ITPKB: variants seen among roughly 807,000 people sequenced by gnomAD.
ITPKB encodes the protein IP3 3-kinase B.
ITPKB carries 13 observed loss-of-function variants against 69.4 expected under a neutral mutation model. The observed-to-expected ratio is 0.19, with a 90% confidence interval of 0.12 to 0.30. ITPKB has a LOEUF of 0.30. ITPKB is among the 10% of genes least tolerant of loss of function. The probability of loss-of-function intolerance (pLI) is 1.00; values close to 1 mark genes in which losing one functional copy is unlikely to be tolerated. For synonymous variants in ITPKB, 584 were observed against 513.7 expected (o/e 1.14, Z -1.85); for missense variants, 1,240 against 1,250.5 (o/e 0.99, Z 0.13).
chr1:226,695,480 G>A (rs1358107338), intron 2 of ITPKB, among the ~76,000 whole-genome samples: 6 of 152,184 alleles, frequency 3.9e-5, no homozygotes, highest in African/African-American at 1.4e-4. Flanking sequence ...TCAGCCCAGA[G>A]ACTGGCAGTC....
intron 2 of ITPKB, among the ~76,000 whole-genome samples, chr1:226,670,175 CAAA>C (rs35767912): frequency 1.3e-3 from 41 of 31,998 alleles, no homozygotes; most frequent in African/African-American, 4.0e-3. Flanking sequence ...AGCTCCGCCG[CAAA>C]AAAAAAAAAA....
At chr1:226,645,305 C>T (rs975398913) in intron 4 of ITPKB, among the ~76,000 whole-genome samples, 1 of 152,200 alleles carries the variant, frequency 6.6e-6, no homozygotes, top group Non-Finnish European at 1.5e-5. Context: ...CTTCCCTCTG[C>T]CTGCCAAGAT....
At chr1:226,711,440 AGAGTGTGT>A (rs763744535) in intron 2 of ITPKB, among the ~76,000 whole-genome samples, 1,280 of 95,410 alleles carry the variant, frequency 0.013, 2 homozygotes, top group Middle Eastern at 0.027. Flanking sequence ...AGAGAGAGAG[AGAGTGTGT>A]GTGTGTGTGT....
chr1:226,679,948 G>A (rs1021495984), intron 2 of ITPKB, among the ~76,000 whole-genome samples: 3 of 152,188 alleles, frequency 2.0e-5, no homozygotes, highest in Admixed American at 6.5e-5. Flanking sequence ...GGCGGAGAGG[G>A]CAGGGAGAAA....
At chr1:226,646,506 C>T (rs1467523758) in intron 4 of ITPKB, among the ~76,000 whole-genome samples, 2 of 152,126 alleles carry the variant, frequency 1.3e-5, no homozygotes, top group African/African-American at 2.4e-5. Flanking sequence ...AGGCTTATCC[C>T]CTGGGCAGGT....
At chr1:226,674,185 AT>A (rs1176683979) in intron 2 of ITPKB, among the ~76,000 whole-genome samples, 1 of 152,116 alleles carries the variant, frequency 6.6e-6, no homozygotes, top group African/African-American at 2.4e-5. Flanking sequence ...AATTACAAAT[AT>A]TTTTTAAGTA....
At chr1:226,731,087 T>C (rs1315580377) in intron 2 of ITPKB, among the ~76,000 whole-genome samples, 2 of 152,222 alleles carry the variant, frequency 1.3e-5, no homozygotes, top group Non-Finnish European at 2.9e-5. Context: ...CTTGAAAATG[T>C]TTTAAGCTGG....
At chr1:226,667,877 G>A (rs183519269) in intron 2 of ITPKB, among the ~76,000 whole-genome samples, 147 of 143,210 alleles carry the variant, frequency 1.0e-3, no homozygotes, top group African/African-American at 3.7e-3. Flanking sequence ...CGAAGTGGAG[G>A]TTGGTATTTC....
At chr1:226,655,222 T>C (rs977061509) in intron 2 of ITPKB, among the ~76,000 whole-genome samples, 3 of 152,304 alleles carry the variant, frequency 2.0e-5, no homozygotes, top group African/African-American at 7.2e-5. Context: ...ATCAGGATCA[T>C]CTACATAACA....
In ITPKB at chr1:226,736,376, G is replaced by A. The variant is rs1040067532; in HGVS notation, c.1083C>T (p.Gly361=). The A allele has an allele frequency of 1.9e-6, 3 of 1,612,226 alleles. No homozygotes were observed. The highest frequency in any genetic ancestry group is 1.7e-6 in the Non-Finnish European group (2 of 1,179,860). Residue 361 remains glycine (G), a synonymous_variant, in exon 2 of 8, where the codon GGC becomes GGT. Transcript: ENST00000429204. ...GSETSPAPER[G]GPRDGEPPGK... The stretch of plus-strand genomic sequence containing the variant: ...CAGGGGGTTCTCCATCGCGGGGCCC[G>A]CCCCTTTCTGGGGCTGGGCTTGTCT...
Position 226,667,931 on chromosome 1 carries a change from ACCAACAGCACAG to A in ITPKB, c.1933-19172_1933-19161del, listed in dbSNP as rs376731946. Among the ~76,000 whole-genome samples, 284 of 152,100 alleles carry A rather than the reference ACCAACAGCACAG, an allele frequency of 1.9e-3. 2 individuals carry two copies. Among genetic ancestry groups the A allele is most frequent in the South Asian group, 4.2e-3 (20 of 4,810 alleles). On this transcript the variant is annotated intron_variant, in intron 2 of 7. Transcript: ENST00000429204. ...AGCAAAAGCCTAGAAGCAAAAAAGC[ACCAACAGCACAG>A]CCAACAGCACAGCCAACAGCACAGC... is the stretch of plus-strand genomic sequence containing the variant.
At chr1:226,707,927 A>C (rs1007660903) in intron 2 of ITPKB, 11 of 1,331,988 alleles carry the variant, frequency 8.3e-6, no homozygotes, top group African/African-American at 3.0e-5. Flanking sequence ...TAAAGGGAGA[A>C]GAAAAGAGGT....
intron 2 of ITPKB, among the ~76,000 whole-genome samples, chr1:226,735,028 G>A (rs1343218648): frequency 6.6e-6 from 1 of 152,168 alleles, no homozygotes; most frequent in Non-Finnish European, 1.5e-5. Context: ...AGGTTTCAGG[G>A]TCCTGTCATA....
intron 2 of ITPKB, among the ~76,000 whole-genome samples, chr1:226,712,745 G>A (rs1048287261): frequency 6.6e-6 from 1 of 152,122 alleles, no homozygotes; most frequent in Non-Finnish European, 1.5e-5. Context: ...CACCCAGAAG[G>A]GCAATATTGC....
Position 226,739,241 on chromosome 1 carries a change from A to G in ITPKB, c.-406T>C, listed in dbSNP as rs1462313620. 1 of 152,166 alleles carries G rather than the reference A, an allele frequency of 6.6e-6. No individual in the cohort carries two copies. Among genetic ancestry groups the G allele is most frequent in the South Asian group, 2.1e-4 (1 of 4,826 alleles). 9.4% of individuals were successfully genotyped at this position (152,166 alleles called of 1,614,324 possible). A position where few individuals can be genotyped will look rare whatever the true frequency, so the allele number is the denominator to read the frequency against. ...GGCGATCCCGGCAGTGGCGACGCCA[A>G]GCCGGCCCTGCACGCCCTTTTCGAC... On this transcript the variant is annotated 5_prime_UTR_variant, in exon 1 of 8. Coordinates refer to ENST00000429204, the MANE Select transcript of ITPKB (RefSeq NM_002221.4).
chr1:226,680,153 G>C (rs976688788), intron 2 of ITPKB, among the ~76,000 whole-genome samples: 6 of 152,202 alleles, frequency 3.9e-5, no homozygotes, highest in Non-Finnish European at 8.8e-5. Context: ...TTTCAACCCT[G>C]AAAGCCCAGA....
chr1:226,644,884 T>C (rs1283875647), intron 4 of ITPKB, among the ~76,000 whole-genome samples: 1 of 152,196 alleles, frequency 6.6e-6, no homozygotes, highest in African/African-American at 2.4e-5. Context: ...ATGAACGCAT[T>C]TGGGGGAAGG....
At position 226,736,850 on chromosome 1, in the gene ITPKB, C is replaced by G; in HGVS notation, c.609G>C (p.Lys203Asn). 1 of 1,612,306 alleles carries G rather than the reference C, an allele frequency of 6.2e-7. No homozygotes were observed. Among genetic ancestry groups the G allele is most frequent in the South Asian group, 1.1e-5 (1 of 91,088 alleles). Reference sequence around the variant, plus strand: ...TCTCTGGACATTGCTCCCCCCAGGACTTTGTCCTCCGTTCCTCGCTCCGGG... The same window carrying G: ...TCTCTGGACATTGCTCCCCCCAGGAGTTTGTCCTCCGTTCCTCGCTCCGGG... ...QGARSEERRT[K>N]SWGEQCPETS... Residue 203 changes from lysine (K) to asparagine (N), a missense_variant, in exon 2 of 8, where the codon AAG (lysine) becomes AAC (asparagine). Transcript: ENST00000429204.
rs547405939 is a variant in ITPKB, at chr1:226,711,224, CA to C, written c.1932+24302del. Among the ~76,000 whole-genome samples, 8 of 152,186 alleles carry C rather than the reference CA, an allele frequency of 5.3e-5. No individual in the cohort carries two copies. In the South Asian group the frequency reaches 1.7e-3, roughly 32 times the overall value. On this transcript the variant is annotated intron_variant, in intron 2 of 7. Transcript: ENST00000429204. ...TCACTTAAAAAAATTTGGCCAACAC[CA>C]TGTCCAAGCTGACAGGACATTTCTC...
Sources: allele counts gnomAD v4.1 joint callset (sites outside exome capture counted in the v4.1 genomes callset), GRCh38; gene constraint gnomAD v4.1.1; transcripts MANE v1.5; gene names NCBI Gene and HGNC (gene_info 2026-07-23, HGNC 2026-07-21).